The following CCDC8 variants were observed in gnomAD, a reference collection of about 807,000 sequenced individuals.
The protein encoded by CCDC8 is coiled-coil domain-containing protein 8.
Under a neutral mutation model 5.2 loss-of-function variants are expected in CCDC8, and 6 were observed. The observed-to-expected ratio is 1.16, with a 90% confidence interval of 0.63 to 2.28. The LOEUF (loss-of-function observed/expected upper bound fraction) is 2.28. CCDC8 is among the 30% of genes most tolerant of loss of function. The pLI is 0.00. For synonymous variants in CCDC8, 310 were observed against 286.5 expected, an observed-to-expected ratio of 1.08 and a Z score of -0.83; for missense variants, 724 against 712.2, an observed-to-expected ratio of 1.02 and a Z score of -0.19.
Position 46,411,026 on chromosome 19 carries a change from A to T in CCDC8, c.*168T>A. 1 of 836,456 alleles carries T rather than the reference A, an allele frequency of 1.2e-6. No homozygotes were observed. Among genetic ancestry groups the T allele is most frequent in the South Asian group, 1.8e-5 (1 of 56,354 alleles). The allele number at this position is 836,456 out of a possible 1,614,324, so 51.8% of individuals were successfully genotyped here. ...AACAGAGTGAGACCCTGTCTCTAAA[A>T]AATTTAAAAAAAAATCAAAGCATGA... On this transcript the variant is annotated 3_prime_UTR_variant, in exon 1 of 1. Coordinates refer to ENST00000307522, the MANE Select transcript of CCDC8 (RefSeq NM_032040.5).
In CCDC8 at chr19:46,411,378, ACT is replaced by A. The variant is rs1177501985; in HGVS notation, c.1431_1432del (p.Val478GlufsTer52). ...AAAGCGTCCAGGGGTCTGGAACCTC[ACT>A]GTCTTGACCTGTTTCCGGGCCCTGG... On this transcript the variant is annotated frameshift_variant, in exon 1 of 1. Coordinates refer to ENST00000307522, the MANE Select transcript of CCDC8 (RefSeq NM_032040.5). LOFTEE classifies it high-confidence loss of function. The A allele has an allele frequency of 2.5e-6, 4 of 1,614,168 alleles. No homozygotes were observed. Among genetic ancestry groups the A allele is most frequent in the Non-Finnish European group, 3.4e-6 (4 of 1,180,020 alleles).
chr19:46,411,433 G>C lies in CCDC8; in HGVS notation c.1378C>G (p.Gln460Glu). The change falls in exon 1 of 1, where the codon CAA becomes GAA. Residue 460 changes from glutamine (Q) to glutamate (E), a missense_variant. Coordinates refer to ENST00000307522, the MANE Select transcript of CCDC8 (RefSeq NM_032040.5). ...GIQEAEVSAA[Q>E]GTTGTAPGAR... ...CCTGGAGCTGTTCCTGTGGTCCCTTGGGCAGCTGAGACTTCAGCTTCCTGG... is the reference window on the plus strand; with the variant it reads ...CCTGGAGCTGTTCCTGTGGTCCCTTCGGCAGCTGAGACTTCAGCTTCCTGG... 6.2e-7 allele frequency: 1 copy of C among 1,614,170 alleles called. No homozygotes were observed. The highest frequency in any genetic ancestry group is 8.5e-7 in the Non-Finnish European group (1 of 1,180,000).
chr19:46,412,294 C>T lies in CCDC8; in HGVS notation c.517G>A (p.Val173Ile). The change falls in exon 1 of 1, where the codon GTC becomes ATC. Residue 173 changes from valine (V) to isoleucine (I), a missense_variant. By Grantham distance (29) the Val-to-Ile change is conservative. Coordinates refer to ENST00000307522, the MANE Select transcript of CCDC8 (RefSeq NM_032040.5). The surrounding 1 kb of genome is among the most constrained non-coding windows in gnomAD (Gnocchi z 4.7). ...TCAAACATGGGCACTGGCAGGTTGA[C>T]GCGGCGGCGGGCAGGCGGCGCGCTG... is the stretch of plus-strand genomic sequence containing the variant. ...QPSAPPARRR[V>I]NLPVPMFEDN... is the part of the protein sequence containing the mutation. 6.2e-7 allele frequency: 1 copy of T among 1,608,386 alleles called. No homozygotes were observed. The highest frequency in any genetic ancestry group is 1.3e-5 in the African/African-American group (1 of 75,064).
rs1973233418 is a variant in CCDC8, at chr19:46,411,845, C to A, written c.966G>T (p.Gly322=). The change falls in exon 1 of 1, where the codon GGG becomes GGT. Residue 322 remains glycine (G), a synonymous_variant. Transcript: ENST00000307522. ...CCTCTGCCCCCTGGTCAGCTGGGGCCCCTGCCCTCTGATTACCTGCAGCCC... is the reference window on the plus strand; with the variant it reads ...CCTCTGCCCCCTGGTCAGCTGGGGCACCTGCCCTCTGATTACCTGCAGCCC... ...REGAAGNQRA[G]APADQGAEAA... 1.9e-6 allele frequency: 3 copies of A among 1,613,740 alleles called. No homozygotes were observed. Among genetic ancestry groups the A allele is most frequent in the Middle Eastern group, 3.3e-4 (2 of 6,060 alleles).
Position 46,411,633 on chromosome 19 carries a change from G to C in CCDC8, c.1178C>G (p.Ala393Gly). The C allele has an allele frequency of 6.4e-7, 1 of 1,573,112 alleles. No individual in the cohort carries two copies. Among genetic ancestry groups the C allele is most frequent in the Non-Finnish European group, 8.6e-7 (1 of 1,156,342 alleles). ...TGACCCCTGGTCAGCTGGGGCCTCC[G>C]CCCTCTGATTATCTGCAGCCTCTTC... The part of the protein sequence containing the change: ...HREEAADNQR[A>G]EAPADQGSEV... Residue 393 changes from alanine (A) to glycine (G), a missense_variant, in exon 1 of 1, where the codon GCG becomes GGG. Ala to Gly is a moderately conservative substitution (Grantham distance 60). Coordinates refer to ENST00000307522, the MANE Select transcript of CCDC8 (RefSeq NM_032040.5).
rs957285048 is a variant in CCDC8, at chr19:46,411,031, T to TA, written c.*162dup. The TA allele has an allele frequency of 6.2e-4, 539 of 866,046 alleles. 1 individual carries two copies. Among genetic ancestry groups the TA allele is most frequent in the African/African-American group, 3.6e-3 (211 of 58,580 alleles). The allele number at this position is 866,046 out of a possible 1,614,324, so 53.6% of individuals were successfully genotyped here. A position where few individuals can be genotyped will look rare whatever the true frequency, so the allele number is the denominator to read the frequency against. The stretch of plus-strand genomic sequence containing the variant: ...AGTGAGACCCTGTCTCTAAAAAATT[T>TA]AAAAAAAAATCAAAGCATGAACAAA... On this transcript the variant is annotated 3_prime_UTR_variant, in exon 1 of 1. Coordinates refer to ENST00000307522, the MANE Select transcript of CCDC8 (RefSeq NM_032040.5).
At position 46,411,747 on chromosome 19, in the gene CCDC8, G is replaced by T. The variant is rs1601462989; in HGVS notation, c.1064C>A (p.Ala355Asp). 1 of 1,609,908 alleles carries T rather than the reference G, an allele frequency of 6.2e-7. No homozygotes were observed. ...AGAPAEEGAE[A>D]ADNQREEAAD... is the part of the protein sequence containing the mutation. ...AGCCTCTTCCCTCTGGTTATCTGCA[G>T]CCTCTGCCCCCTCCTCAGCTGGGGC... The change falls in exon 1 of 1, where the codon GCT (alanine) becomes GAT (aspartate). Residue 355 changes from alanine (A) to aspartate (D), a missense_variant. Ala to Asp is a moderately radical substitution (Grantham distance 126). Coordinates refer to ENST00000307522, the MANE Select transcript of CCDC8 (RefSeq NM_032040.5).
At position 46,412,493 on chromosome 19, in the gene CCDC8, C is replaced by G. The variant is rs767246140; in HGVS notation, c.318G>C (p.Glu106Asp). 1 of 1,608,498 alleles carries G rather than the reference C, an allele frequency of 6.2e-7. No individual in the cohort carries two copies. Among genetic ancestry groups the G allele is most frequent in the South Asian group, 1.1e-5 (1 of 91,066 alleles). Residue 106 changes from glutamate to aspartate, a missense_variant, in exon 1 of 1, where the codon GAG (glutamate) becomes GAC (aspartate). Coordinates refer to ENST00000307522, the MANE Select transcript of CCDC8 (RefSeq NM_032040.5). This position sits in a 1 kb window ranked among gnomAD's most constrained non-coding sequence, Gnocchi z 4.7. Reference protein sequence around the residue: ...TYDSSNASDSEFSDFETSRDK... With the variant: ...TYDSSNASDSDFSDFETSRDK... ...CTCTGGAGGTCTCGAAGTCGCTGAA[C>G]TCGCTGTCGCTGGCGTTGCTGCTGT...
Position 46,410,855 on chromosome 19 carries a change from A to G in CCDC8, c.*339T>C, listed in dbSNP as rs1973218506. 1 of 189,892 alleles carries G rather than the reference A, an allele frequency of 5.3e-6. No individual in the cohort carries two copies. Among genetic ancestry groups the G allele is most frequent in the African/African-American group, 2.4e-5 (1 of 41,374 alleles). The allele number at this position is 189,892 out of a possible 1,614,324, so 11.8% of individuals were successfully genotyped here. ...TTTTGGGTTGCTACAAGGAATCAGTATTTTTTTTTTTTAATCAGATGGTGT... is the reference window on the plus strand; with the variant it reads ...TTTTGGGTTGCTACAAGGAATCAGTGTTTTTTTTTTTTAATCAGATGGTGT... On this transcript the variant is annotated 3_prime_UTR_variant, in exon 1 of 1. Coordinates refer to ENST00000307522, the MANE Select transcript of CCDC8 (RefSeq NM_032040.5).
chr19:46,412,373 A>T lies in CCDC8; in HGVS notation c.438T>A (p.Ser146Arg), dbSNP rs201017770. The change falls in exon 1 of 1, where the codon AGT becomes AGA. Residue 146 changes from serine to arginine, a missense_variant. Physicochemically the swap from Ser to Arg is moderately radical, Grantham distance 110. Coordinates refer to ENST00000307522, the MANE Select transcript of CCDC8 (RefSeq NM_032040.5). This position sits in a 1 kb window ranked among gnomAD's most constrained non-coding sequence, Gnocchi z 4.7. ...CCTCGACCAGTTCCTCATCATCCTC[A>T]CTCTCCAGGTCGCTTCCCAGGAACT... ...GSKFLGSDLESEDDEELVEAF... is the reference protein window; with the variant it reads ...GSKFLGSDLEREDDEELVEAF... 32 of 1,612,624 alleles carry T rather than the reference A, an allele frequency of 2.0e-5. No individual in the cohort carries two copies. In the African/African-American group the frequency reaches 3.6e-4, roughly 18 times the overall value.
rs755804234 is a variant in CCDC8, at chr19:46,411,578, G to A, written c.1233C>T (p.Ala411=). 3.5e-5 allele frequency: 57 copies of A among 1,612,926 alleles called. No individual in the cohort carries two copies. The highest frequency in any genetic ancestry group is 1.5e-4 in the Admixed American group (9 of 59,924). Residue 411 remains alanine (A), a synonymous_variant, in exon 1 of 1, where the codon GCC becomes GCT. Transcript: ENST00000307522. ...SEVTDNQREE[A]VHDQRERAPA... ...GGGCCCTTTCCCTCTGGTCATGTAC[G>A]GCCTCTTCCCTTTGATTATCTGTAA...
In CCDC8 at chr19:46,411,929, A is replaced by T. The variant is rs1278617341; in HGVS notation, c.882T>A (p.Asp294Glu). The change falls in exon 1 of 1, where the codon GAT (aspartate) becomes GAA (glutamate). Residue 294 changes from aspartate to glutamate, a missense_variant. Physicochemically the swap from Asp to Glu is conservative, Grantham distance 45. Coordinates refer to ENST00000307522, the MANE Select transcript of CCDC8 (RefSeq NM_032040.5). ...PTGQGADIEA[D>E]QGGEAADSQR... Reference sequence around the variant, plus strand: ...GACTATCTGCAGCCTCTCCCCCCTGATCAGCCTCGATGTCTGCCCCCTGAC... The same window carrying T: ...GACTATCTGCAGCCTCTCCCCCCTGTTCAGCCTCGATGTCTGCCCCCTGAC... 1.2e-6 allele frequency: 2 copies of T among 1,611,538 alleles called. No individual in the cohort carries two copies. Among genetic ancestry groups the T allele is most frequent in the African/African-American group, 2.7e-5 (2 of 74,950 alleles).
Position 46,412,461 on chromosome 19 carries a change from C to T in CCDC8, c.350G>A (p.Ser117Asn). ...CTTGCCCCGCCGCGGGCCCTGGCGG[C>T]TCTTGTCTCTGGAGGTCTCGAAGTC... The part of the protein sequence containing the change: ...FSDFETSRDK[S>N]RQGPRRGKKV... Residue 117 changes from serine to asparagine, a missense_variant, in exon 1 of 1, where the codon AGC becomes AAC. Transcript: ENST00000307522. This position sits in a 1 kb window ranked among gnomAD's most constrained non-coding sequence, Gnocchi z 4.7. 6.2e-7 allele frequency: 1 copy of T among 1,610,896 alleles called. No individual in the cohort carries two copies. Among genetic ancestry groups the T allele is most frequent in the Non-Finnish European group, 8.5e-7 (1 of 1,179,982 alleles).
At position 46,412,310 on chromosome 19, in the gene CCDC8, C is replaced by T. The variant is rs1021232272; in HGVS notation, c.501G>A (p.Pro167=). 8.7e-6 allele frequency: 14 copies of T among 1,609,660 alleles called. No individual in the cohort carries two copies. Among genetic ancestry groups the T allele is most frequent in the Non-Finnish European group, 8.5e-6 (10 of 1,179,926 alleles). ...LRRQEKQPSA[P]PARRRVNLPV... is the part of the protein sequence containing the mutation. ...GCAGGTTGACGCGGCGGCGGGCAGGCGGCGCGCTGGGCTGCTTCTCCTGTC... is the reference window on the plus strand; with the variant it reads ...GCAGGTTGACGCGGCGGCGGGCAGGTGGCGCGCTGGGCTGCTTCTCCTGTC... The change falls in exon 1 of 1, where the codon CCG becomes CCA. Residue 167 remains proline (P), a synonymous_variant. Transcript: ENST00000307522. This position sits in a 1 kb window ranked among gnomAD's most constrained non-coding sequence, Gnocchi z 4.7.
At position 46,411,097 on chromosome 19, in the gene CCDC8, TG is replaced by T; in HGVS notation, c.*96del. 7.0e-7 allele frequency: 1 copy of T among 1,424,950 alleles called. No individual in the cohort carries two copies. 88.3% of individuals were successfully genotyped at this position (1,424,950 alleles called of 1,614,324 possible). On this transcript the variant is annotated 3_prime_UTR_variant, in exon 1 of 1. Transcript: ENST00000307522. ...TAAAGAGGGTTGTTAGGTGGAGACGTGGCCAGCACTCCACCTCCACTTTGAA... is the reference window on the plus strand; with the variant it reads ...TAAAGAGGGTTGTTAGGTGGAGACGTGCCAGCACTCCACCTCCACTTTGAA...
At position 46,410,699 on chromosome 19, in the gene CCDC8, T is replaced by A. The variant is rs114886257; in HGVS notation, c.*495A>T. 9.1e-3 allele frequency: 1,451 copies of A among 159,078 alleles called. 28 individuals carry two copies. The highest frequency in any genetic ancestry group is 0.033 in the African/African-American group (1,388 of 41,560). The allele number at this position is 159,078 out of a possible 1,614,324, so 9.9% of individuals were successfully genotyped here. ...ATTAAGTGTGCAGGCAAAAAAGAGA[T>A]GGAAAAAGGAGTCAGTTTCTCCCCT... On this transcript the variant is annotated 3_prime_UTR_variant, in exon 1 of 1. Transcript: ENST00000307522.
At position 46,411,713 on chromosome 19, in the gene CCDC8, A is replaced by C. The variant is rs200702731; in HGVS notation, c.1098T>G (p.Asn366Lys). ...GGTCAGCTGGGGCCTCTGCCCTCTG[A>C]TTATCTGCAGCCTCTTCCCTCTGGT... ...ADNQREEAAD[N>K]QRAEAPADQR... Residue 366 changes from asparagine to lysine, a missense_variant, in exon 1 of 1, where the codon AAT (asparagine) becomes AAG (lysine). Asn to Lys is a moderately conservative substitution (Grantham distance 94). Coordinates refer to ENST00000307522, the MANE Select transcript of CCDC8 (RefSeq NM_032040.5). 8 of 1,610,168 alleles carry C rather than the reference A, an allele frequency of 5.0e-6. No homozygotes were observed. In the South Asian group the frequency reaches 7.7e-5, roughly 15 times the overall value.
At position 46,412,930 on chromosome 19, in the gene CCDC8, T is replaced by G; in HGVS notation, c.-120A>C. On this transcript the variant is annotated 5_prime_UTR_variant, in exon 1 of 1. Transcript: ENST00000307522. The surrounding 1 kb of genome is among the most constrained non-coding windows in gnomAD (Gnocchi z 4.7). ...ACATCTTTGCAGACATCGGGGACGC[T>G]CCAAAGAATGAGGCAGTCGGGGGAC... 12 of 1,377,788 alleles carry G rather than the reference T, an allele frequency of 8.7e-6. No individual in the cohort carries two copies. Among genetic ancestry groups the G allele is most frequent in the Non-Finnish European group, 1.2e-5 (12 of 991,470 alleles). The allele number at this position is 1,377,788 out of a possible 1,614,324, so 85.3% of individuals were successfully genotyped here. A position where few individuals can be genotyped will look rare whatever the true frequency, so the allele number is the denominator to read the frequency against.
chr19:46,411,088 G>C lies in CCDC8; in HGVS notation c.*106C>G. The C allele has an allele frequency of 7.5e-7, 1 of 1,327,618 alleles. No individual in the cohort carries two copies. 82.2% of individuals were successfully genotyped at this position (1,327,618 alleles called of 1,614,324 possible). On this transcript the variant is annotated 3_prime_UTR_variant, in exon 1 of 1. Coordinates refer to ENST00000307522, the MANE Select transcript of CCDC8 (RefSeq NM_032040.5). ...ACAAGAGAATAAAGAGGGTTGTTAG[G>C]TGGAGACGTGGCCAGCACTCCACCT... is the stretch of plus-strand genomic sequence containing the variant.
Sources: gnomAD v4.1 joint callset for allele counts on GRCh38, gnomAD v4.1.1 for gene constraint, Gnocchi (gnomAD v3.1) non-coding constraint, MANE v1.5 for transcripts, NCBI Gene and HGNC (gene_info 2026-07-23, HGNC 2026-07-21) for gene names.